ANKRD17: variants seen among roughly 807,000 people sequenced by gnomAD.
ANKRD17 encodes ankyrin repeat domain 17.
ANKRD17 carries 19 observed loss-of-function variants against 229.7 expected under a neutral mutation model. The ratio of observed to expected loss-of-function variants is 0.08; its 90% CI spans 0.06 to 0.12. The LOEUF (loss-of-function observed/expected upper bound fraction) is 0.12, where lower values mean the gene tolerates loss of function less well. ANKRD17 is among the 10% of genes least tolerant of loss of function. The probability of loss-of-function intolerance (pLI) is 1.00; values close to 1 mark genes in which losing one functional copy is unlikely to be tolerated. For missense variants in ANKRD17, 2,176 were observed against 3,176.8 expected (o/e 0.68, Z 7.57); for synonymous variants, 1,112 against 1,146.1 (o/e 0.97, Z 0.60).
chr4:73,206,825 G>C (rs1411848841), intron 1 of ANKRD17, among the ~76,000 whole-genome samples: 1 of 152,038 alleles, frequency 6.6e-6, no homozygotes, highest in Non-Finnish European at 1.5e-5. Context: ...TAAGAGAATA[G>C]ATTTTTTTTT....
intron 2 of ANKRD17, among the ~76,000 whole-genome samples, chr4:73,171,801 T>C (rs1406726550): frequency 6.6e-6 from 1 of 152,036 alleles, no homozygotes; most frequent in South Asian, 2.1e-4. Flanking sequence ...AGTCTCTTAA[T>C]AGCAGAATTG....
At chr4:73,192,325 G>A (rs77106970) in intron 1 of ANKRD17, among the ~76,000 whole-genome samples, 3,095 of 151,902 alleles carry the variant, frequency 0.02, 68 homozygotes, top group Non-Finnish European at 0.029. Context: ...ACATTGTTAG[G>A]TGGAAAAAAG....
intron 24 of ANKRD17, among the ~76,000 whole-genome samples, chr4:73,107,405 C>T (rs200976502): frequency 1.2e-4 from 19 of 152,206 alleles, no homozygotes; most frequent in East Asian, 7.7e-4. Flanking sequence ...ATCAGTAAAC[C>T]GGATAAAACA....
At chr4:73,106,335 A>C (rs775605118) in intron 24 of ANKRD17, among the ~76,000 whole-genome samples, 10 of 152,202 alleles carry the variant, frequency 6.6e-5, no homozygotes, top group African/African-American at 9.6e-5. Context: ...TCAGGAAACA[A>C]AGTGACACTT....
At chr4:73,098,586 ACTTG>A in intron 25 of ANKRD17, 66 bp from the exon 26 acceptor site, 1 of 1,457,680 alleles carries the variant, frequency 6.9e-7, no homozygotes, top group Non-Finnish European at 9.3e-7. Flanking sequence ...AGCTATAAGC[ACTTG>A]AAGAAAAGAA....
At position 73,240,901 on chromosome 4, in the gene ANKRD17, C is replaced by T. The variant is rs374135571; in HGVS notation, c.393+17375G>A. Among the ~76,000 whole-genome samples, 204 of 151,190 alleles carry T rather than the reference C, an allele frequency of 1.3e-3. 2 individuals are homozygous for T. In the East Asian group the frequency reaches 0.03, roughly 22 times the overall value. ...TCGGCTCACTGCAACCTCCGCCTCC[C>T]GGGTTCAAGCAATTCTCCTGCCTCA... On this transcript the variant is annotated intron_variant, in intron 1 of 33. Transcript: ENST00000358602.
At chr4:73,147,829 T>G (rs1197455362) in intron 8 of ANKRD17, among the ~76,000 whole-genome samples, 1 of 152,122 alleles carries the variant, frequency 6.6e-6, no homozygotes, top group Admixed American at 6.6e-5. Context: ...TCAAAGCATT[T>G]TACAACTTAT....
In ANKRD17 at chr4:73,077,379, G is replaced by A; in HGVS notation, c.7563C>T (p.Gly2521=). The change falls in exon 32 of 34, where the codon GGC becomes GGT. Residue 2521 remains glycine (G), a synonymous_variant. Transcript: ENST00000358602. The part of the protein sequence containing the change: ...SGTFHQHVPA[G]YMDFPKVGGM... The stretch of plus-strand genomic sequence containing the variant: ...CCCCAACTTTAGGAAAGTCCATGTA[G>A]CCTGCAGGAACATGCTGATGGAATG... 6.2e-7 allele frequency: 1 copy of A among 1,611,862 alleles called. No homozygotes were observed.
intron 22 of ANKRD17, among the ~76,000 whole-genome samples, chr4:73,117,168 G>A (rs1726075233): frequency 6.6e-6 from 1 of 152,116 alleles, no homozygotes; most frequent in African/African-American, 2.4e-5. Flanking sequence ...TGAAGAGTTT[G>A]GTAGGAGAGA....
rs571173502 is a variant in ANKRD17 at position 73,074,985 on chromosome 4, C to T, written c.*1246G>A. ...AAACAGGTTAAATGGAGACTTTACA[C>T]TGTAATCTGTGTATTTATCTGTCTA... is the stretch of plus-strand genomic sequence containing the variant. On this transcript the variant is annotated 3_prime_UTR_variant, in exon 34 of 34. Transcript: ENST00000358602. The T allele has an allele frequency of 1.3e-5, 2 of 152,562 alleles. No homozygotes were observed. Among genetic ancestry groups the T allele is most frequent in the African/African-American group, 4.8e-5 (2 of 41,548 alleles). 9.5% of individuals were successfully genotyped at this position (152,562 alleles called of 1,614,324 possible). A position where few individuals can be genotyped will look rare whatever the true frequency, so the allele number is the denominator to read the frequency against.
chr4:73,225,657 G>A (rs1049884112), intron 1 of ANKRD17, among the ~76,000 whole-genome samples: 8 of 151,790 alleles, frequency 5.3e-5, no homozygotes, highest in Admixed American at 1.3e-4. Flanking sequence ...TCAGGAGTTC[G>A]AGAAGAGTCT....
chr4:73,218,839 G>C lies in ANKRD17; in HGVS notation c.393+39437C>G, dbSNP rs112358138. 8.0e-3 allele frequency among the ~76,000 whole-genome samples: 1,209 copies of C among 152,042 alleles called. 18 individuals are homozygous for C. Among genetic ancestry groups the C allele is most frequent in the African/African-American group, 0.027 (1,137 of 41,456 alleles). ...ACACTTTGAGAGGCTGAGGCATGCG[G>C]ATCACGAGGTCAAGAGATTGAGACC... On this transcript the variant is annotated intron_variant, in intron 1 of 33. Transcript: ENST00000358602.
chr4:73,179,224 G>A (rs1250765026), intron 1 of ANKRD17, among the ~76,000 whole-genome samples: 1 of 151,246 alleles, frequency 6.6e-6, no homozygotes, highest in East Asian at 1.9e-4. Context: ...GTTTAACGTG[G>A]AATAACATTT....
At chr4:73,098,690 T>C in intron 25 of ANKRD17, 170 bp from the exon 26 acceptor site, 1 of 844,872 alleles carries the variant, frequency 1.2e-6, no homozygotes, top group Admixed American at 2.1e-5. Flanking sequence ...ATATACTCTG[T>C]GTACCCACGT....
Position 73,140,078 on chromosome 4 carries a change from C to T in ANKRD17, c.2538G>A (p.Glu846=). ...ELAHADQLTK[E]KIEELNKTRE... ...TTGTTTTGTTGAGCTCCTCGATCTT[C>T]TCCTTGGTAAGTTGGTCAGCATGAG... Residue 846 remains glutamate (E), a synonymous_variant, in exon 15 of 34, where the codon GAG becomes GAA. Coordinates refer to ENST00000358602, the MANE Select transcript of ANKRD17 (RefSeq NM_032217.5). 5.0e-6 allele frequency: 8 copies of T among 1,614,192 alleles called. No homozygotes were observed. Among genetic ancestry groups the T allele is most frequent in the Non-Finnish European group, 6.8e-6 (8 of 1,180,034 alleles).
intron 2 of ANKRD17, among the ~76,000 whole-genome samples, chr4:73,175,499 A>G (rs1164450234): frequency 2.6e-5 from 4 of 152,208 alleles, no homozygotes; most frequent in Non-Finnish European, 5.9e-5. Context: ...ATAGCCAAAG[A>G]TATCCTGAGC....
At chr4:73,086,919 A>AAAAATATAT (rs1553911000) in intron 29 of ANKRD17, among the ~76,000 whole-genome samples, 1 of 12,464 alleles carries the variant, frequency 8.0e-5, no homozygotes, top group Non-Finnish European at 1.8e-4. Flanking sequence ...AAAAAAAAAA[A>AAAAATATAT]ATATATATAT....
chr4:73,120,344 T>G lies in ANKRD17; in HGVS notation c.3850-7A>C. The G allele has an allele frequency of 6.2e-7, 1 of 1,612,372 alleles. No homozygotes were observed. Among genetic ancestry groups the G allele is most frequent in the Non-Finnish European group, 8.5e-7 (1 of 1,179,396 alleles). ...TTAGTGGTGTGAGACCAGTCTAAGT[T>G]TAGTGTAAAATTAAAAGTAATGACA... On this transcript the variant is annotated splice_region_variant and splice_polypyrimidine_tract_variant and intron_variant, in intron 20 of 33. Coordinates refer to ENST00000358602, the MANE Select transcript of ANKRD17 (RefSeq NM_032217.5).
intron 1 of ANKRD17, among the ~76,000 whole-genome samples, chr4:73,188,899 T>A (rs1736652383): frequency 6.6e-6 from 1 of 152,068 alleles, no homozygotes; most frequent in Non-Finnish European, 1.5e-5. Context: ...CATCTATGAA[T>A]CAATAAATCT....
Sources: allele counts gnomAD v4.1 joint callset (sites outside exome capture counted in the v4.1 genomes callset), GRCh38; gene constraint gnomAD v4.1.1; transcripts MANE v1.5; gene names NCBI Gene and HGNC (gene_info 2026-07-23, HGNC 2026-07-21).